The following ARL13B variants were observed in gnomAD, a reference collection of about 807,000 sequenced individuals.
The protein encoded by ARL13B is ADP-ribosylation factor-like protein 13B.
Under a neutral mutation model 56.1 loss-of-function variants are expected in ARL13B, and 36 were observed. The ratio of observed to expected loss-of-function variants is 0.64; its 90% confidence interval spans 0.49 to 0.85. ARL13B has a LOEUF of 0.85. Among genes scored for constraint, ARL13B ranks in the 40% least tolerant of loss-of-function variants. ARL13B has a pLI of 0.00. For synonymous variants in ARL13B, 178 were observed against 171.1 expected (o/e 1.04, Z -0.32); for missense variants, 519 against 507.1 (o/e 1.02, Z -0.23).
chr3:94,043,317 T>A, intron 7 of ARL13B, 77 bp downstream of exon 7: 4 of 1,322,982 alleles, frequency 3.0e-6, no homozygotes, highest in Non-Finnish European at 4.2e-6. Context: ...ATTTTTTATG[T>A]TTGTTTTTAC....
intron 2 of ARL13B, among the ~76,000 whole-genome samples, chr3:94,001,635 A>G (rs963631423): frequency 6.6e-6 from 1 of 151,594 alleles, no homozygotes; most frequent in Non-Finnish European, 1.5e-5. Flanking sequence ...TTAATATTCC[A>G]CTTCTCTATA....
chr3:93,999,419 A>G (rs1198416176), intron 2 of ARL13B, among the ~76,000 whole-genome samples: 1 of 151,968 alleles, frequency 6.6e-6, no homozygotes, highest in Non-Finnish European at 1.5e-5. Context: ...TTTTTTATTC[A>G]CAATAGCTTT....
intron 3 of ARL13B, among the ~76,000 whole-genome samples, chr3:94,005,085 G>A (rs565948050): frequency 6.6e-6 from 1 of 152,038 alleles, no homozygotes; most frequent in East Asian, 1.9e-4. Context: ...ATTAATACAT[G>A]CATTAATTCA....
intron 3 of ARL13B, among the ~76,000 whole-genome samples, chr3:94,006,750 A>G (rs2076142315): frequency 6.6e-6 from 1 of 152,228 alleles, no homozygotes; most frequent in Non-Finnish European, 1.5e-5. Context: ...TTCTTAGCTT[A>G]AAGTCCTTCA....
At chr3:93,992,896 C>A (rs866776084) in intron 1 of ARL13B, among the ~76,000 whole-genome samples, 1 of 151,798 alleles carries the variant, frequency 6.6e-6, no homozygotes, top group Non-Finnish European at 1.5e-5. Flanking sequence ...CAGGTTCAAT[C>A]GATTCTCGCA....
rs745962638 is a variant in ARL13B, at chr3:94,035,365, G to A, written c.415G>A (p.Gly139Arg). The change falls in exon 4 of 10, where the codon GGA becomes AGA. Residue 139 changes from glycine (G) to arginine (R), a missense_variant. Gly to Arg is a moderately radical substitution (Grantham distance 125). Transcript: ENST00000394222. ...TAAACAAGATAAAGAAGGAGCTTTAGGAGAAGCTGATGTCATTGAATGTCT... is the reference window on the plus strand; with the variant it reads ...TAAACAAGATAAAGAAGGAGCTTTAAGAGAAGCTGATGTCATTGAATGTCT... ...ANKQDKEGAL[G>R]EADVIECLSL... 1.9e-6 allele frequency: 3 copies of A among 1,611,080 alleles called. No homozygotes were observed. In the Admixed American group the frequency reaches 5.0e-5, roughly 27 times the overall value.
At chr3:93,992,967 A>G (rs372598161) in intron 1 of ARL13B, among the ~76,000 whole-genome samples, 1 of 114,576 alleles carries the variant, frequency 8.7e-6, no homozygotes, top group Non-Finnish European at 1.9e-5. Flanking sequence ...TAATTTTTGT[A>G]TTTTTTTTTT....
At chr3:93,983,394 G>A (rs1407719433) in intron 1 of ARL13B, among the ~76,000 whole-genome samples, 1 of 152,090 alleles carries the variant, frequency 6.6e-6, no homozygotes, top group African/African-American at 2.4e-5. Context: ...ATGAATTTTG[G>A]TTCAGTTTGG....
intron 5 of ARL13B, among the ~76,000 whole-genome samples, 190 bp from the exon 6 acceptor site, chr3:94,039,690 G>A (rs2107135375): frequency 6.6e-6 from 1 of 152,088 alleles, no homozygotes; most frequent in South Asian, 2.1e-4. Context: ...TAATTGAAAT[G>A]ATTAGTCTTT....
At chr3:94,024,402 A>G (rs1231284161) in intron 3 of ARL13B, among the ~76,000 whole-genome samples, 1 of 152,248 alleles carries the variant, frequency 6.6e-6, no homozygotes, top group African/African-American at 2.4e-5. Flanking sequence ...TTTTCTATCC[A>G]TAAAAATTAA....
In ARL13B at chr3:94,036,010, C is replaced by T. The variant is rs2076761267; in HGVS notation, c.487-542C>T. The stretch of plus-strand genomic sequence containing the variant: ...ACCACTGGACCCTGGGAGGCTGAGG[C>T]TGCAGTGAGTTCTAATTCAGCCACT... On this transcript the variant is annotated intron_variant, in intron 4 of 9. Coordinates refer to ENST00000394222, the MANE Select transcript of ARL13B (RefSeq NM_001174150.2). Among the ~76,000 whole-genome samples, 6 of 152,014 alleles carry T rather than the reference C, an allele frequency of 3.9e-5. No homozygotes were observed. In the South Asian group the frequency reaches 1.0e-3, roughly 26 times the overall value.
Position 94,014,477 on chromosome 3 carries a change from T to C in ARL13B, c.380+10569T>C, listed in dbSNP as rs777751310. The C allele has an allele frequency of 1.9e-6, 3 of 1,607,884 alleles. No individual in the cohort carries two copies. The East Asian group carries it at 6.7e-5, about 36-fold the overall frequency. ...TTTACAGCTAGTCCAAATTTCTCTT[T>C]AGTATTGTTAACATACTCTTTTGTA... is the stretch of plus-strand genomic sequence containing the variant. On this transcript the variant is annotated intron_variant, in intron 3 of 9. Transcript: ENST00000394222.
At chr3:94,036,350 A>G (rs2076767065) in intron 4 of ARL13B, among the ~76,000 whole-genome samples, 1 of 152,130 alleles carries the variant, frequency 6.6e-6, no homozygotes, top group Non-Finnish European at 1.5e-5. Flanking sequence ...TAGTGTACAG[A>G]TGTTATCTGT....
At chr3:93,980,798 A>G (rs1421807629) in intron 1 of ARL13B, among the ~76,000 whole-genome samples, 1 of 151,286 alleles carries the variant, frequency 6.6e-6, no homozygotes, top group Admixed American at 6.6e-5. Context: ...TTTCCTCTGA[A>G]GCTTTTGTAA....
intron 2 of ARL13B, among the ~76,000 whole-genome samples, chr3:94,001,847 C>G (rs1224348208): frequency 6.6e-6 from 1 of 152,216 alleles, no homozygotes; most frequent in Non-Finnish European, 1.5e-5. Context: ...TTTATCCACA[C>G]AAACTACTTC....
chr3:94,043,040 A>C lies in ARL13B; in HGVS notation c.824A>C (p.Lys275Thr). 1 of 1,610,710 alleles carries C rather than the reference A, an allele frequency of 6.2e-7. No individual in the cohort carries two copies. Among genetic ancestry groups the C allele is most frequent in the Admixed American group, 1.7e-5 (1 of 59,504 alleles). ...AATGAAGGAAAACTTGAAAGAGAGA[A>C]AAAAAACCAAAAAATGGAGAAAGAC... ...IENEGKLERE[K>T]KNQKMEKDSD... Residue 275 changes from lysine to threonine, a missense_variant, in exon 7 of 10, where the codon AAA (lysine) becomes ACA (threonine). Coordinates refer to ENST00000394222, the MANE Select transcript of ARL13B (RefSeq NM_001174150.2).
chr3:94,007,488 C>T (rs953064632), intron 3 of ARL13B, among the ~76,000 whole-genome samples: 9 of 152,162 alleles, frequency 5.9e-5, no homozygotes, highest in African/African-American at 2.2e-4. Context: ...ATTGGACTTA[C>T]AGTTCCACAT....
At position 94,014,990 on chromosome 3, in the gene ARL13B, T is replaced by C. The variant is rs148513515; in HGVS notation, c.380+11082T>C. 1.9e-6 allele frequency: 3 copies of C among 1,613,972 alleles called. No individual in the cohort carries two copies. The African/African-American group carries it at 4.0e-5, about 22-fold the overall frequency. On this transcript the variant is annotated intron_variant, in intron 3 of 9. Transcript: ENST00000394222. The stretch of plus-strand genomic sequence containing the variant: ...GCCTGAATTTTTATCTCCTTTGTAA[T>C]GGTAGACTCTCTCTTAAGTAGACTA...
At chr3:94,051,563 G>A (rs896120310) in intron 9 of ARL13B, among the ~76,000 whole-genome samples, 5 of 152,052 alleles carry the variant, frequency 3.3e-5, no homozygotes, top group Non-Finnish European at 4.4e-5. Flanking sequence ...ATAAAACAAG[G>A]AGAAGTTCTG....
Sources: gnomAD v4.1 joint callset for allele counts (sites outside exome capture counted in the v4.1 genomes callset) on GRCh38, gnomAD v4.1.1 for gene constraint, MANE v1.5 for transcripts, NCBI Gene and HGNC (gene_info 2026-07-23, HGNC 2026-07-21) for gene names.